LRP4: variants seen among roughly 807,000 people sequenced by gnomAD.
LRP4 encodes the protein LDL receptor related protein 4, also known as low-density lipoprotein receptor-related protein 4.
Under a neutral mutation model 220.3 loss-of-function variants are expected in LRP4, and 95 were observed. The ratio of observed to expected loss-of-function variants is 0.43; its 90% CI spans 0.37 to 0.51. The LOEUF (loss-of-function observed/expected upper bound fraction) is 0.51. LRP4 is among the 20% of genes least tolerant of loss of function. The pLI is 0.00. For missense variants in LRP4, 1,925 were observed against 2,567.0 expected, an observed-to-expected ratio of 0.75 and a Z score of 5.40; for synonymous variants, 903 against 954.6, an observed-to-expected ratio of 0.95 and a Z score of 1.00.
At chr11:46,897,350 TTTTA>T (rs1941557129) in intron 7 of LRP4, among the ~76,000 whole-genome samples, 1 of 108,176 alleles carries the variant, frequency 9.2e-6, no homozygotes, top group Admixed American at 1.1e-4. Flanking sequence ...TTTTTTTTCT[TTTTA>T]TTTTTTTATT....
rs1256305996 is a variant in LRP4 at position 46,873,978 on chromosome 11, T to C, written c.4230-385A>G. On this transcript the variant is annotated intron_variant, in intron 28 of 37. Transcript: ENST00000378623. The surrounding 1 kb of genome is among the most constrained non-coding windows in gnomAD (Gnocchi z 4.2). ...ATTTTTTAAAAGTTAAAAACAATTT[T>C]AAATACAAGTAGATATGAGGTTTCA... 4.4e-6 allele frequency: 1 copy of C among 229,690 alleles called. No homozygotes were observed. The highest frequency in any genetic ancestry group is 8.6e-6 in the Non-Finnish European group (1 of 116,864). 14.2% of individuals were successfully genotyped at this position (229,690 alleles called of 1,614,324 possible). A position where few individuals can be genotyped will look rare whatever the true frequency, so the allele number is the denominator to read the frequency against.
Position 46,899,339 on chromosome 11 carries a change from C to T in LRP4, c.547+48G>A, listed in dbSNP as rs775882203. 9 of 1,424,226 alleles carry T rather than the reference C, an allele frequency of 6.3e-6. No homozygotes were observed. The highest frequency in any genetic ancestry group is 7.9e-6 in the Non-Finnish European group (8 of 1,007,098). The allele number at this position is 1,424,226 out of a possible 1,614,324, so 88.2% of individuals were successfully genotyped here. A position where few individuals can be genotyped will look rare whatever the true frequency, so the allele number is the denominator to read the frequency against. Reference sequence around the variant, plus strand: ...CCTCGCCCTTAGCCAATGGGCAGAACTGTCTGCCCTCATCCAACCCAACAG... The same window carrying T: ...CCTCGCCCTTAGCCAATGGGCAGAATTGTCTGCCCTCATCCAACCCAACAG... On this transcript the variant is annotated intron_variant, in intron 5 of 37. Coordinates refer to ENST00000378623, the MANE Select transcript of LRP4 (RefSeq NM_002334.4). The surrounding 1 kb of genome is among the most constrained non-coding windows in gnomAD (Gnocchi z 5.9).
rs371961330 is a variant in LRP4 at position 46,875,089 on chromosome 11, C to T, written c.3940G>A (p.Gly1314Ser). The change falls in exon 28 of 38, where the codon GGC becomes AGC. Residue 1314 changes from glycine to serine, a missense_variant. This residue lies in a region of LRP4 where 1,244 missense variants were observed against 1,624.9 expected (regional missense o/e 0.77). Transcript: ENST00000378623. The surrounding 1 kb of genome is among the most constrained non-coding windows in gnomAD (Gnocchi z 4.5). ...RAQPLGFNKC[G>S]SRNGGCSHLC... Reference sequence around the variant, plus strand: ...TGGGAGCAGCCGCCATTTCTCGAGCCGCACTTGTTAAAACCTGGTGATGAG... The same window carrying T: ...TGGGAGCAGCCGCCATTTCTCGAGCTGCACTTGTTAAAACCTGGTGATGAG... 50 of 1,613,208 alleles carry T rather than the reference C, an allele frequency of 3.1e-5. No individual in the cohort carries two copies. The East Asian group carries it at 5.1e-4, about 17-fold the overall frequency.
chr11:46,891,650 C>T (rs56771531), intron 13 of LRP4, among the ~76,000 whole-genome samples: 3,142 of 152,138 alleles, frequency 0.021, 106 homozygotes, highest in African/African-American at 0.072. Flanking sequence ...GACAGAGTCT[C>T]ACTCTGTCAT....
chr11:46,880,459 G>C (rs926087348), intron 20 of LRP4, among the ~76,000 whole-genome samples: 1 of 151,578 alleles, frequency 6.6e-6, no homozygotes, highest in Non-Finnish European at 1.5e-5. Context: ...AAAATCAGCC[G>C]AGTGGCCTCA....
At chr11:46,905,870 T>C (rs546258140) in intron 1 of LRP4, among the ~76,000 whole-genome samples, 124 of 144,442 alleles carry the variant, frequency 8.6e-4, no homozygotes, top group African/African-American at 3.2e-3. Context: ...AAAAAAAAAA[T>C]CTATAACATG....
chr11:46,899,135 C>T lies in LRP4; in HGVS notation c.548-103G>A. 8.5e-7 allele frequency: 1 copy of T among 1,172,922 alleles called. No homozygotes were observed. The highest frequency in any genetic ancestry group is 1.4e-5 in the South Asian group (1 of 73,302). The allele number at this position is 1,172,922 out of a possible 1,614,324, so 72.7% of individuals were successfully genotyped here. On this transcript the variant is annotated intron_variant, in intron 5 of 37. Coordinates refer to ENST00000378623, the MANE Select transcript of LRP4 (RefSeq NM_002334.4). This position sits in a 1 kb window ranked among gnomAD's most constrained non-coding sequence, Gnocchi z 5.9. ...GCAGGATGCTCAGGCAGGAGAGCTT[C>T]TTCAAGTGAGATGTAACCAGGTTTC...
At chr11:46,913,866 T>C (rs1379108489) in intron 1 of LRP4, among the ~76,000 whole-genome samples, 1 of 152,056 alleles carries the variant, frequency 6.6e-6, no homozygotes, top group East Asian at 1.9e-4. Flanking sequence ...TGGGCACAAG[T>C]GGGAACTATG....
At chr11:46,888,195 A>G (rs4752813) in intron 16 of LRP4, among the ~76,000 whole-genome samples, 142,445 of 149,256 alleles carry the variant, frequency 0.95, 68,341 homozygotes, top group South Asian at 1. Flanking sequence ...GGTAGTGCAC[A>G]CTTATAATCC....
intron 1 of LRP4, among the ~76,000 whole-genome samples, chr11:46,909,153 A>G (rs1053515404): frequency 1.3e-4 from 20 of 152,112 alleles, no homozygotes; most frequent in African/African-American, 4.3e-4. Context: ...GGTGGACCAC[A>G]TCTGTCACAT....
Position 46,858,963 on chromosome 11 carries a change from A to G in LRP4, c.*20T>C, listed in dbSNP as rs1240296032. The G allele has an allele frequency of 6.2e-7, 1 of 1,609,748 alleles. No individual in the cohort carries two copies. The highest frequency in any genetic ancestry group is 1.7e-5 in the Admixed American group (1 of 60,016). Reference sequence around the variant, plus strand: ...CATAAAGGAGAAGGAACAGGCAGGCAGGGAAGAGAATGTGGGCATTTAGAC... The same window carrying G: ...CATAAAGGAGAAGGAACAGGCAGGCGGGGAAGAGAATGTGGGCATTTAGAC... On this transcript the variant is annotated 3_prime_UTR_variant, in exon 38 of 38. Coordinates refer to ENST00000378623, the MANE Select transcript of LRP4 (RefSeq NM_002334.4).
intron 1 of LRP4, among the ~76,000 whole-genome samples, chr11:46,907,330 A>G (rs1773194117): frequency 6.6e-6 from 1 of 152,214 alleles, no homozygotes; most frequent in African/African-American, 2.4e-5. Flanking sequence ...CTTTTGGGAT[A>G]TATGTTAATG....
At position 46,886,127 on chromosome 11, in the gene LRP4, C is replaced by T; in HGVS notation, c.2470G>A (p.Asp824Asn). The T allele has an allele frequency of 6.2e-7, 1 of 1,614,188 alleles. No homozygotes were observed. Among genetic ancestry groups the T allele is most frequent in the Non-Finnish European group, 8.5e-7 (1 of 1,180,048 alleles). Reference sequence around the variant, plus strand: ...CAGTACAGTTTGTTGGTGACCCAATCAATGGCCAGGCCAGCTGGGCTCTCC... The same window carrying T: ...CAGTACAGTTTGTTGGTGACCCAATTAATGGCCAGGCCAGCTGGGCTCTCC... ...SLESPAGLAI[D>N]WVTNKLYWTD... The change falls in exon 18 of 38, where the codon GAT (aspartate) becomes AAT (asparagine). Residue 824 changes from aspartate to asparagine, a missense_variant. Coordinates refer to ENST00000378623, the MANE Select transcript of LRP4 (RefSeq NM_002334.4).
chr11:46,881,660 G>A, intron 20 of LRP4, 42 bp downstream of exon 20: 2 of 1,582,676 alleles, frequency 1.3e-6, no homozygotes, highest in Non-Finnish European at 1.7e-6. Context: ...GTGGGAAGAT[G>A]TTTTAGTGCC....
Position 46,876,776 on chromosome 11 carries a change from T to A in LRP4, c.3332A>T (p.Asp1111Val). The change falls in exon 24 of 38, where the codon GAT (aspartate) becomes GTT (valine). Residue 1111 changes from aspartate to valine, a missense_variant. By Grantham distance (152) the Asp-to-Val change is radical. Coordinates refer to ENST00000378623, the MANE Select transcript of LRP4 (RefSeq NM_002334.4). ...TLHRISRANL[D>V]GSQHEDIITT... is the part of the protein sequence containing the mutation. The stretch of plus-strand genomic sequence containing the variant: ...GATGATGTCCTCATGCTGTGAGCCA[T>A]CCAGATTGGCACGACTGATCCTGTG... 6.2e-7 allele frequency: 1 copy of A among 1,614,120 alleles called. No homozygotes were observed. Among genetic ancestry groups the A allele is most frequent in the Non-Finnish European group, 8.5e-7 (1 of 1,180,032 alleles).
rs1940997600 is a variant in LRP4 at position 46,875,793 on chromosome 11, A to G, written c.3699+11T>C. The G allele has an allele frequency of 6.2e-7, 1 of 1,614,062 alleles. No individual in the cohort carries two copies. ...CAGGCTCCTGGGAAGCAGCAGGGAC[A>G]CGGCTCTCACCTCGGTGTGGGCATC... On this transcript the variant is annotated intron_variant, in intron 26 of 37. Transcript: ENST00000378623. This position sits in a 1 kb window ranked among gnomAD's most constrained non-coding sequence, Gnocchi z 4.5.
chr11:46,918,495 G>A lies in LRP4; in HGVS notation c.-116C>T, dbSNP rs1036848267. 16 of 696,836 alleles carry A rather than the reference G, an allele frequency of 2.3e-5. No homozygotes were observed. The highest frequency in any genetic ancestry group is 2.5e-5 in the Non-Finnish European group (13 of 527,494). The allele number at this position is 696,836 out of a possible 1,614,324, so 43.2% of individuals were successfully genotyped here. On this transcript the variant is annotated 5_prime_UTR_variant, in exon 1 of 38. Coordinates refer to ENST00000378623, the MANE Select transcript of LRP4 (RefSeq NM_002334.4). This position sits in a 1 kb window ranked among gnomAD's most constrained non-coding sequence, Gnocchi z 6.0. ...GTCCCGGGTGCACGGCGGCCTGCGC[G>A]CCCCGCAAGTCGCCCTCGGGCCGCC...
intron 16 of LRP4, among the ~76,000 whole-genome samples, chr11:46,887,361 G>A (rs1243706076): frequency 1.3e-5 from 2 of 152,256 alleles, no homozygotes; most frequent in East Asian, 1.9e-4. Flanking sequence ...TTTACTTCTT[G>A]CATCTCACTA....
chr11:46,912,992 G>T (rs1453746108), intron 1 of LRP4, among the ~76,000 whole-genome samples: 2 of 152,064 alleles, frequency 1.3e-5, no homozygotes, highest in Non-Finnish European at 1.5e-5. Flanking sequence ...ATAGAGGTGA[G>T]GGGGAGCTCC....
Sources: allele counts gnomAD v4.1 joint callset (sites outside exome capture counted in the v4.1 genomes callset), GRCh38; gene constraint gnomAD v4.1.1; regional missense constraint gnomAD v4.1.1; non-coding constraint Gnocchi (gnomAD v3.1); transcripts MANE v1.5; gene names NCBI Gene and HGNC (gene_info 2026-07-23, HGNC 2026-07-21).